Variants in HK1 observed in about 807,000 individuals in gnomAD.
The protein encoded by HK1 is hexokinase-1.
A neutral mutation model predicts 91.6 loss-of-function variants in HK1; 28 were observed. The observed-to-expected ratio is 0.31, with a 90% CI of 0.23 to 0.42. The LOEUF is 0.42. Among genes scored for constraint, HK1 ranks in the 10% least tolerant of loss-of-function variants. HK1 has a pLI of 1.00. For missense variants in HK1, 770 were observed against 1,219.8 expected (o/e 0.63, Z 5.49); for synonymous variants, 430 against 468.1 (o/e 0.92, Z 1.05).
intron 7 of HK1, among the ~76,000 whole-genome samples, chr10:69,373,223 C>T (rs902504079): frequency 2.6e-5 from 4 of 152,276 alleles, no homozygotes; most frequent in African/African-American, 9.6e-5. Flanking sequence ...GCTCTCAGTG[C>T]CCAAGTGGGC....
At chr10:69,394,887 C>A (rs963598452) in intron 15 of HK1, 63 bp from the exon 16 acceptor site, 37 of 1,553,040 alleles carry the variant, frequency 2.4e-5, no homozygotes, top group Non-Finnish European at 3.0e-5. Context: ...ACCGTGAGAC[C>A]GAGGGGTGAC....
intron 3 of HK1, among the ~76,000 whole-genome samples, chr10:69,294,230 A>G (rs899542229): frequency 1.3e-5 from 2 of 152,190 alleles, no homozygotes; most frequent in African/African-American, 4.8e-5. Flanking sequence ...AGCAAGTCAC[A>G]TGGCCAGTTC....
chr10:69,283,813 A>AAAG (rs1554875995), intron 2 of HK1, among the ~76,000 whole-genome samples: 128 of 150,526 alleles, frequency 8.5e-4, no homozygotes, highest in African/African-American at 2.7e-3. Context: ...AAAAAAAAAA[A>AAAG]AAAAGAAAAG....
At chr10:69,314,945 C>T (rs968396642), upstream of HK1, among the ~76,000 whole-genome samples, 9 of 152,076 alleles carry the variant, frequency 5.9e-5, no homozygotes, top group African/African-American at 9.7e-5. Context: ...GGATTACAGG[C>T]GTGAGCCACT....
intron 4 of HK1, chr10:69,295,734 T>C (rs967301409): frequency 1.3e-5 from 15 of 1,141,470 alleles, no homozygotes; most frequent in Middle Eastern, 1.9e-4. Context: ...CTGTAAAAGA[T>C]AGTGCGTGGC....
chr10:69,396,069 C>T (rs1407574390), intron 16 of HK1, among the ~76,000 whole-genome samples: 1 of 151,920 alleles, frequency 6.6e-6, no homozygotes, highest in African/African-American at 2.4e-5. Flanking sequence ...TTCAGGTGTT[C>T]GAGACCAGCC....
chr10:69,281,130 A>G (rs1844724449), intron 1 of HK1, among the ~76,000 whole-genome samples: 1 of 152,196 alleles, frequency 6.6e-6, no homozygotes, highest in Non-Finnish European at 1.5e-5. Flanking sequence ...ACATGATTGT[A>G]GGCATCTAAA....
At chr10:69,364,124 G>A (rs187145885) in intron 3 of HK1, among the ~76,000 whole-genome samples, 4 of 152,304 alleles carry the variant, frequency 2.6e-5, no homozygotes, top group Admixed American at 1.3e-4. Context: ...GGGTGGTAGC[G>A]GTAGTGACTG....
At chr10:69,289,461 A>ATTTTT (rs67564699) in intron 3 of HK1, among the ~76,000 whole-genome samples, 11 of 112,782 alleles carry the variant, frequency 9.8e-5, no homozygotes, top group African/African-American at 2.7e-4. Context: ...AAAAAAAAAA[A>ATTTTT]TTTTTTTTTT....
intron 1 of HK1, among the ~76,000 whole-genome samples, chr10:69,329,321 C>G (rs1847569228): frequency 6.6e-6 from 1 of 152,046 alleles, no homozygotes; most frequent in Non-Finnish European, 1.5e-5. Context: ...TGCCACCATG[C>G]CCAGCTAATT....
chr10:69,375,657 C>CA (rs1188113427), intron 7 of HK1, among the ~76,000 whole-genome samples: 2 of 152,226 alleles, frequency 1.3e-5, no homozygotes, highest in East Asian at 3.8e-4. Flanking sequence ...TTTGCTGTGT[C>CA]ACAGCCAGCT....
Position 69,392,172 on chromosome 10 carries a change from A to T in HK1, c.2083A>T (p.Met695Leu). The change falls in exon 15 of 18, where the codon ATG becomes TTG. Residue 695 changes from methionine (M) to leucine (L), a missense_variant. This residue lies in a region of HK1 where 152 missense variants were observed against 211.1 expected (regional missense o/e 0.72). Coordinates refer to ENST00000359426, the MANE Select transcript of HK1 (RefSeq NM_000188.3). Reference protein sequence around the residue: ...CYMEEMKNVEMVEGDQGQMCI... With the variant: ...CYMEEMKNVELVEGDQGQMCI... ...CATGGAGGAGATGAAGAACGTGGAG[A>T]TGGTGGAGGGGGACCAGGGGCAGAT... 2 of 1,614,084 alleles carry T rather than the reference A, an allele frequency of 1.2e-6. No individual in the cohort carries two copies. The highest frequency in any genetic ancestry group is 1.1e-5 in the South Asian group (1 of 91,080).
At chr10:69,344,275 A>C (rs1210665597) in intron 2 of HK1, among the ~76,000 whole-genome samples, 1 of 152,188 alleles carries the variant, frequency 6.6e-6, no homozygotes, top group Non-Finnish European at 1.5e-5. Context: ...TTTACTGTCT[A>C]GTGGCTTGTG....
chr10:69,336,054 T>C (rs1023752567), intron 1 of HK1, among the ~76,000 whole-genome samples: 3 of 152,224 alleles, frequency 2.0e-5, no homozygotes, highest in African/African-American at 7.2e-5. Context: ...TCCTAGTACA[T>C]AGAGCTCTAA....
intron 1 of HK1, chr10:69,338,795 A>G: frequency 1.2e-6 from 1 of 861,948 alleles, no homozygotes; most frequent in South Asian, 1.7e-5. Context: ...GTGTAGAGAG[A>G]GAGGGAAGAG....
chr10:69,286,150 G>A (rs985116400), intron 2 of HK1, among the ~76,000 whole-genome samples: 2 of 152,210 alleles, frequency 1.3e-5, no homozygotes, highest in African/African-American at 2.4e-5. Flanking sequence ...GTCAAAATTT[G>A]TTAAGCCCAT....
intron 2 of HK1, among the ~76,000 whole-genome samples, chr10:69,351,799 G>A (rs1848889875): frequency 6.6e-6 from 1 of 152,140 alleles, no homozygotes; most frequent in Non-Finnish European, 1.5e-5. Flanking sequence ...TCTGTAGAAT[G>A]GGCATCCTGA....
intron 13 of HK1, 56 bp downstream of exon 13, chr10:69,386,474 A>T (rs758488198): frequency 1.5e-6 from 2 of 1,374,954 alleles, no homozygotes. Context: ...GCTTCTAAAA[A>T]GTGTATTTGC....
intron 5 of HK1, among the ~76,000 whole-genome samples, chr10:69,303,413 T>C (rs982240444): frequency 4.8e-5 from 7 of 147,312 alleles, no homozygotes; most frequent in Admixed American, 4.1e-4. Context: ...AGAATTGCAA[T>C]AGAGAAAGAG....
Sources: allele counts gnomAD v4.1 joint callset (sites outside exome capture counted in the v4.1 genomes callset), GRCh38; gene constraint gnomAD v4.1.1; regional missense constraint gnomAD v4.1.1; transcripts MANE v1.5; gene names NCBI Gene and HGNC (gene_info 2026-07-23, HGNC 2026-07-21).